Variants in TIMELESS observed in about 807,000 individuals in gnomAD.
TIMELESS encodes the protein timeless circadian regulator.
Under a neutral mutation model 164.3 loss-of-function variants are expected in TIMELESS, and 124 were observed. The observed-to-expected ratio is 0.75, with a 90% confidence interval of 0.65 to 0.88. The LOEUF is 0.88. Ranked by LOEUF, TIMELESS falls within the 40% of genes least tolerant of loss-of-function variation. The probability of loss-of-function intolerance (pLI) is 0.00; values close to 1 mark genes in which losing one functional copy is unlikely to be tolerated. For synonymous variants in TIMELESS, 564 were observed against 563.4 expected (o/e 1.00, Z -0.02); for missense variants, 1,422 against 1,491.4 (o/e 0.95, Z 0.77).
In TIMELESS at chr12:56,416,500, CATA is replaced by C. The variant is rs1881263208; in HGVS notation, c.*1213_*1215del. On this transcript the variant is annotated 3_prime_UTR_variant, in exon 29 of 29. Transcript: ENST00000553532. The stretch of plus-strand genomic sequence containing the variant: ...TGACGTTTCCAAGAATGGGTAAGAA[CATA>C]ATATTTGCAGTATTTATCCATCCTT... 6.6e-6 allele frequency: 1 copy of C among 152,214 alleles called. No homozygotes were observed. The highest frequency in any genetic ancestry group is 1.5e-5 in the Non-Finnish European group (1 of 68,036). 9.4% of individuals were successfully genotyped at this position (152,214 alleles called of 1,614,324 possible).
At chr12:56,419,459 A>AGTGAGTGT (rs1555176393) in intron 26 of TIMELESS, among the ~76,000 whole-genome samples, 2 of 147,936 alleles carry the variant, frequency 1.4e-5, no homozygotes, top group Non-Finnish European at 3.0e-5. Flanking sequence ...AGACAGATGG[A>AGTGAGTGT]GTGTGTGTGT....
Position 56,421,495 on chromosome 12 carries a change from T to A in TIMELESS, c.2726-2A>T. ...TCTTCATGATATGACCCAGGACATC[T>A]ATAAAAAGCAAGCATGTGAATACCC... On this transcript the variant is annotated splice_acceptor_variant, in intron 22 of 28. Coordinates refer to ENST00000553532, the MANE Select transcript of TIMELESS (RefSeq NM_003920.5). LOFTEE classifies it high-confidence loss of function. 1 of 1,608,088 alleles carries A rather than the reference T, an allele frequency of 6.2e-7. No homozygotes were observed. The highest frequency in any genetic ancestry group is 1.1e-5 in the South Asian group (1 of 90,474).
chr12:56,432,671 G>A (rs977699351), intron 6 of TIMELESS, 147 bp from the exon 7 acceptor site: 26 of 1,152,872 alleles, frequency 2.3e-5, no homozygotes, highest in African/African-American at 9.3e-5. Flanking sequence ...TTGGCCGGGC[G>A]CGGTGGCTCA....
At chr12:56,440,961 G>A (rs1390378645) in intron 1 of TIMELESS, among the ~76,000 whole-genome samples, 1 of 150,532 alleles carries the variant, frequency 6.6e-6, no homozygotes, top group African/African-American at 2.4e-5. Flanking sequence ...GGGATTACAG[G>A]CCTGTGCCAC....
In TIMELESS at chr12:56,430,226, C is replaced by T. The variant is rs750960737; in HGVS notation, c.965G>A (p.Arg322His). 3.7e-6 allele frequency: 6 copies of T among 1,613,816 alleles called. No homozygotes were observed. Among genetic ancestry groups the T allele is most frequent in the East Asian group, 2.2e-5 (1 of 44,894 alleles). ...GKQPKKVPKR[R>H]QAARELSIQR... ...AATGGACAGCTCTCGGGCGGCCTGGCGACGTTTAGGCACCTTTTTCGGCTG... is the reference window on the plus strand; with the variant it reads ...AATGGACAGCTCTCGGGCGGCCTGGTGACGTTTAGGCACCTTTTTCGGCTG... The change falls in exon 10 of 29, where the codon CGC (arginine) becomes CAC (histidine). Residue 322 changes from arginine (R) to histidine (H), a missense_variant. Transcript: ENST00000553532.
chr12:56,417,709 T>C lies in TIMELESS; in HGVS notation c.*7A>G. On this transcript the variant is annotated 3_prime_UTR_variant, in exon 29 of 29. Coordinates refer to ENST00000553532, the MANE Select transcript of TIMELESS (RefSeq NM_003920.5). ...TGTCTATCTCTACCCCTAGGCTTCT[T>C]AGCTCTTCAGTCATCCTCATCATCC... is the stretch of plus-strand genomic sequence containing the variant. The C allele has an allele frequency of 6.2e-7, 1 of 1,614,134 alleles. No individual in the cohort carries two copies. The highest frequency in any genetic ancestry group is 8.5e-7 in the Non-Finnish European group (1 of 1,179,980).
chr12:56,417,999 G>A lies in TIMELESS; in HGVS notation c.3464C>T (p.Ala1155Val), dbSNP rs775682195. ...TGCCTTCAGCGGCTCTTTACCAACA[G>A]CGTCTTCCTCTGCAATGACCATAAA... is the stretch of plus-strand genomic sequence containing the variant. The part of the protein sequence containing the change: ...AGLASPEEED[A>V]VGKEPLKAAP... The change falls in exon 28 of 29, where the codon GCT becomes GTT. Residue 1155 changes from alanine (A) to valine (V), a missense_variant. By Grantham distance (64) the Ala-to-Val change is moderately conservative (BLOSUM62 0). Coordinates refer to ENST00000553532, the MANE Select transcript of TIMELESS (RefSeq NM_003920.5). 21 of 1,614,046 alleles carry A rather than the reference G, an allele frequency of 1.3e-5. No individual in the cohort carries two copies. Among genetic ancestry groups the A allele is most frequent in the Non-Finnish European group, 1.7e-5 (20 of 1,180,038 alleles).
intron 1 of TIMELESS, among the ~76,000 whole-genome samples, chr12:56,442,587 C>T (rs78052978): frequency 0.016 from 2,390 of 152,198 alleles, 47 homozygotes; most frequent in African/African-American, 0.053. Flanking sequence ...GCCTCTATCT[C>T]TTTTCCTTTC....
At chr12:56,439,967 A>T (rs10876890) in intron 1 of TIMELESS, among the ~76,000 whole-genome samples, 84,182 of 151,844 alleles carry the variant, frequency 0.55, 24,281 homozygotes, top group African/African-American at 0.68. Flanking sequence ...AGCCAATGGA[A>T]CTGGACATTT....
At chr12:56,421,324 C>G in intron 23 of TIMELESS, 27 bp downstream of exon 23, 1 of 1,608,160 alleles carries the variant, frequency 6.2e-7, no homozygotes, top group Non-Finnish European at 8.5e-7. Context: ...TGAGCCCATG[C>G]CAGCAGAGCT....
Position 56,428,961 on chromosome 12 carries a change from T to C in TIMELESS, c.1226A>G (p.His409Arg). ...VSETLSVRTFHFIEQNLTNYY... is the reference protein window; with the variant it reads ...VSETLSVRTFRFIEQNLTNYY... ...GTTGGTGAGGTTCTGCTCAATGAAGTGGAAGGTACGGACACTGAGGGTCTC... is the reference window on the plus strand; with the variant it reads ...GTTGGTGAGGTTCTGCTCAATGAAGCGGAAGGTACGGACACTGAGGGTCTC... Residue 409 changes from histidine (H) to arginine (R), a missense_variant, in exon 11 of 29, where the codon CAC becomes CGC. His to Arg is a conservative substitution (Grantham distance 29). Transcript: ENST00000553532. 6.2e-7 allele frequency: 1 copy of C among 1,614,026 alleles called. No individual in the cohort carries two copies. The highest frequency in any genetic ancestry group is 8.5e-7 in the Non-Finnish European group (1 of 1,180,002).
At chr12:56,428,211 T>C (rs768831260) in intron 13 of TIMELESS, 25 bp downstream of exon 13, 22 of 1,557,002 alleles carry the variant, frequency 1.4e-5, no homozygotes, top group Non-Finnish European at 1.8e-5. Context: ...TACAGCTCTT[T>C]CTACATTGTG....
At chr12:56,434,867 T>C (rs1488860641) in intron 1 of TIMELESS, among the ~76,000 whole-genome samples, 1 of 152,154 alleles carries the variant, frequency 6.6e-6, no homozygotes, top group East Asian at 1.9e-4. Flanking sequence ...CTGGGCAACA[T>C]TGTGAGACCC....
At chr12:56,436,345 T>A (rs1401264462) in intron 1 of TIMELESS, among the ~76,000 whole-genome samples, 1 of 151,990 alleles carries the variant, frequency 6.6e-6, no homozygotes, top group Non-Finnish European at 1.5e-5. Context: ...TCCCAGCTAC[T>A]TGGGAGGCTG....
intron 1 of TIMELESS, among the ~76,000 whole-genome samples, chr12:56,435,906 C>CAG (rs1882055096): frequency 6.9e-6 from 1 of 144,932 alleles, no homozygotes; most frequent in African/African-American, 2.6e-5. Context: ...TTGCAGTGAG[C>CAG]AGAGATTGTA....
In TIMELESS at chr12:56,417,140, A is replaced by C. The variant is rs1881287951; in HGVS notation, c.*576T>G. ...GACTGAGATGAGAACTTCTAATCTTACATGTTTAATACCAAACACAAAGCA... is the reference window on the plus strand; with the variant it reads ...GACTGAGATGAGAACTTCTAATCTTCCATGTTTAATACCAAACACAAAGCA... On this transcript the variant is annotated 3_prime_UTR_variant, in exon 29 of 29. Transcript: ENST00000553532. 6.5e-6 allele frequency: 1 copy of C among 153,686 alleles called. No individual in the cohort carries two copies. The highest frequency in any genetic ancestry group is 1.4e-5 in the Non-Finnish European group (1 of 69,050). 9.5% of individuals were successfully genotyped at this position (153,686 alleles called of 1,614,324 possible). A position where few individuals can be genotyped will look rare whatever the true frequency, so the allele number is the denominator to read the frequency against.
chr12:56,423,921 T>C (rs199603190), intron 15 of TIMELESS, 27 bp from the exon 16 acceptor site: 10 of 1,590,040 alleles, frequency 6.3e-6, no homozygotes, highest in Middle Eastern at 1.7e-4. Context: ...AAAAAGGCTT[T>C]ACCCAGGGGA....
intron 1 of TIMELESS, among the ~76,000 whole-genome samples, chr12:56,434,563 C>G (rs866906328): frequency 6.6e-6 from 1 of 152,116 alleles, no homozygotes; most frequent in African/African-American, 2.4e-5. Context: ...CATGGAGAAA[C>G]CCTGTCCCTA....
At chr12:56,435,143 GTGATTCCACCAAGGATC>G (rs1333978490) in intron 1 of TIMELESS, among the ~76,000 whole-genome samples, 3 of 152,108 alleles carry the variant, frequency 2.0e-5, no homozygotes, top group Non-Finnish European at 4.4e-5. Context: ...TGGCCATACA[GTGATTCCACCAAGGATC>G]TAATACATCT....
Sources: gnomAD v4.1 joint callset for allele counts (sites outside exome capture counted in the v4.1 genomes callset) on GRCh38, gnomAD v4.1.1 for gene constraint, MANE v1.5 for transcripts, NCBI Gene and HGNC (gene_info 2026-07-23, HGNC 2026-07-21) for gene names.